The following THSD4 variants were observed in gnomAD, a reference collection of about 807,000 sequenced individuals.
THSD4 encodes thrombospondin type 1 domain containing 4, also known as thrombospondin type-1 domain-containing protein 4.
THSD4 carries 69 observed loss-of-function variants against 119.0 expected under a neutral mutation model. The ratio of observed to expected loss-of-function variants is 0.58; its 90% CI spans 0.48 to 0.71. The LOEUF is 0.71. Among genes scored for constraint, THSD4 ranks in the 30% least tolerant of loss-of-function variants. The pLI, the probability that THSD4 is intolerant of heterozygous loss-of-function variation, is 0.00. For synonymous variants in THSD4, 524 were observed against 540.4 expected, an observed-to-expected ratio of 0.97 and a Z score of 0.42; for missense variants, 1,393 against 1,391.1, an observed-to-expected ratio of 1.00 and a Z score of -0.02.
intron 6 of THSD4, among the ~76,000 whole-genome samples, chr15:71,262,831 A>ATAC (rs1252788656): frequency 6.6e-6 from 1 of 152,152 alleles, no homozygotes; most frequent in Non-Finnish European, 1.5e-5. Context: ...TCCACGTGTA[A>ATAC]GGGTGGGTGT....
At chr15:71,688,232 C>A (rs1037552212) in intron 8 of THSD4, among the ~76,000 whole-genome samples, 1 of 152,180 alleles carries the variant, frequency 6.6e-6, no homozygotes, top group African/African-American at 2.4e-5. Flanking sequence ...TGTCTTGAGC[C>A]CCATCCAGAA....
chr15:71,440,586 G>C (rs565540104), intron 7 of THSD4, among the ~76,000 whole-genome samples: 1 of 152,232 alleles, frequency 6.6e-6, no homozygotes, highest in East Asian at 1.9e-4. Flanking sequence ...CCGTGTTCCT[G>C]CTTTTATAGA....
intron 3 of THSD4, chr15:71,165,391 A>C (rs2043286107): frequency 6.7e-7 from 1 of 1,498,528 alleles, no homozygotes; most frequent in Admixed American, 1.7e-5. Flanking sequence ...TTTGCCTCTC[A>C]GCTTCTTAGG....
At chr15:71,141,196 G>A (rs992546485) in intron 1 of THSD4, among the ~76,000 whole-genome samples, 4 of 152,246 alleles carry the variant, frequency 2.6e-5, no homozygotes, top group African/African-American at 9.6e-5. Flanking sequence ...TTAGCTCAGA[G>A]TCTGAGGTGA....
intron 7 of THSD4, among the ~76,000 whole-genome samples, chr15:71,606,267 A>G (rs984711038): frequency 6.6e-6 from 1 of 152,234 alleles, no homozygotes; most frequent in Non-Finnish European, 1.5e-5. Flanking sequence ...TGATTCCTCC[A>G]AGAAACCTCT....
chr15:71,120,210 C>T (rs1196392820), intron 1 of THSD4, among the ~76,000 whole-genome samples: 1 of 152,204 alleles, frequency 6.6e-6, no homozygotes. Context: ...AATTACCCAT[C>T]CAACATCCCT....
intron 7 of THSD4, among the ~76,000 whole-genome samples, chr15:71,541,607 A>G (rs749228886): frequency 5.9e-5 from 9 of 152,376 alleles, no homozygotes; most frequent in Non-Finnish European, 1.0e-4. Context: ...TATGTTTCAT[A>G]TCATTACATA....
chr15:71,526,724 A>G lies in THSD4; in HGVS notation c.1152+114901A>G, dbSNP rs148672757. Among the ~76,000 whole-genome samples the G allele has an allele frequency of 1.6e-4, 25 of 152,312 alleles. No homozygotes were observed. In the East Asian group the frequency reaches 4.4e-3, roughly 27 times the overall value. The stretch of plus-strand genomic sequence containing the variant: ...TTAGGTGATGTGAATCCCTAGGGCT[A>G]GTGTGGTAGCTTATTGTGTAGCAAT... On this transcript the variant is annotated intron_variant, in intron 7 of 17. Coordinates refer to ENST00000261862, the MANE Select transcript of THSD4 (RefSeq NM_024817.3).
chr15:71,414,895 T>C (rs1360710892), intron 7 of THSD4, among the ~76,000 whole-genome samples: 1 of 152,214 alleles, frequency 6.6e-6, no homozygotes, highest in Non-Finnish European at 1.5e-5. Context: ...AATTCCCTCA[T>C]TGAAGTTGTT....
intron 1 of THSD4, among the ~76,000 whole-genome samples, chr15:71,098,050 AAG>A (rs2040238690): frequency 6.6e-6 from 1 of 152,060 alleles, no homozygotes; most frequent in African/African-American, 2.4e-5. Context: ...CACATTTTCA[AAG>A]AGAAATTGTT....
chr15:71,737,718 C>T lies in THSD4; in HGVS notation c.1631-14C>T, dbSNP rs970590900. 1 of 1,591,054 alleles carries T rather than the reference C, an allele frequency of 6.3e-7. No individual in the cohort carries two copies. Among genetic ancestry groups the T allele is most frequent in the African/African-American group, 1.3e-5 (1 of 74,360 alleles). ...CTGATCCTGATTCTGTGTGTGCACG[C>T]TCACCTCTCCTAGGGGAACCCTTCA... On this transcript the variant is annotated splice_polypyrimidine_tract_variant and intron_variant, in intron 10 of 17. Coordinates refer to ENST00000261862, the MANE Select transcript of THSD4 (RefSeq NM_024817.3).
At chr15:71,165,421 A>G (rs1232810223) in intron 3 of THSD4, 32 of 1,485,876 alleles carry the variant, frequency 2.2e-5, no homozygotes, top group South Asian at 1.0e-4. Flanking sequence ...GCCCATGTTT[A>G]GTTATTTTTC....
intron 7 of THSD4, among the ~76,000 whole-genome samples, chr15:71,555,007 A>G (rs1179402225): frequency 1.3e-5 from 2 of 152,172 alleles, no homozygotes; most frequent in Non-Finnish European, 2.9e-5. Flanking sequence ...CTTGAAAGAC[A>G]ACCATCACCC....
intron 6 of THSD4, among the ~76,000 whole-genome samples, chr15:71,393,631 G>A (rs553333477): frequency 1.3e-5 from 2 of 152,216 alleles, no homozygotes; most frequent in Non-Finnish European, 2.9e-5. Flanking sequence ...AAGCTCCTGG[G>A]TGTCTGGGAT....
chr15:71,349,764 G>C (rs913064222), intron 6 of THSD4, among the ~76,000 whole-genome samples: 3 of 152,186 alleles, frequency 2.0e-5, no homozygotes, highest in African/African-American at 7.2e-5. Context: ...GAGGCTGCAT[G>C]TGCTTAGGTT....
intron 7 of THSD4, among the ~76,000 whole-genome samples, chr15:71,540,236 C>G (rs1435460888): frequency 6.9e-6 from 1 of 145,926 alleles, no homozygotes; most frequent in Non-Finnish European, 1.5e-5. Flanking sequence ...CTCCTGGGTT[C>G]AAGCGATTCT....
intron 4 of THSD4, among the ~76,000 whole-genome samples, chr15:71,240,836 C>CAT (rs776926726): frequency 7.6e-6 from 1 of 130,946 alleles, no homozygotes; most frequent in African/African-American, 2.9e-5. Context: ...CACACACACA[C>CAT]ACATATATAC....
At chr15:71,363,524 G>A (rs1028540010) in intron 6 of THSD4, among the ~76,000 whole-genome samples, 3 of 152,184 alleles carry the variant, frequency 2.0e-5, no homozygotes, top group Non-Finnish European at 4.4e-5. Context: ...AGTAACCCAG[G>A]CTGATAGTGT....
intron 11 of THSD4, among the ~76,000 whole-genome samples, chr15:71,740,516 G>A (rs527878979): frequency 2.6e-5 from 4 of 152,216 alleles, no homozygotes; most frequent in East Asian, 1.9e-4. Flanking sequence ...CACCCTGTCC[G>A]GAGCCCATAG....
Sources: allele counts gnomAD v4.1 joint callset (sites outside exome capture counted in the v4.1 genomes callset), GRCh38; gene constraint gnomAD v4.1.1; transcripts MANE v1.5; gene names NCBI Gene and HGNC (gene_info 2026-07-23, HGNC 2026-07-21).